The following LRRC7 variants were observed in gnomAD, a reference collection of about 807,000 sequenced individuals.
The protein encoded by LRRC7 is leucine rich repeat containing 7.
A neutral mutation model predicts 175.7 loss-of-function variants in LRRC7; 23 were observed. The ratio of observed to expected loss-of-function variants is 0.13; its 90% CI spans 0.09 to 0.19. The LOEUF (loss-of-function observed/expected upper bound fraction) is 0.19. Ranked by LOEUF, LRRC7 falls within the 10% of genes least tolerant of loss-of-function variation. LRRC7 has a pLI of 1.00. For missense variants in LRRC7, 1,354 were observed against 1,904.7 expected, an observed-to-expected ratio of 0.71 and a Z score of 5.38; for synonymous variants, 685 against 680.9, an observed-to-expected ratio of 1.01 and a Z score of -0.09.
chr1:69,619,623 C>G (rs1284990664), intron 1 of LRRC7, among the ~76,000 whole-genome samples: 1 of 152,048 alleles, frequency 6.6e-6, no homozygotes, highest in Non-Finnish European at 1.5e-5. Context: ...TAATTTCCCC[C>G]CAAAATTAAC....
At chr1:69,917,737 G>C (rs990168265) in intron 7 of LRRC7, among the ~76,000 whole-genome samples, 1 of 152,118 alleles carries the variant, frequency 6.6e-6, no homozygotes, top group Non-Finnish European at 1.5e-5. Context: ...TTCCATTCAT[G>C]AGAGTAGGAC....
intron 2 of LRRC7, among the ~76,000 whole-genome samples, chr1:69,733,115 A>G (rs567558311): frequency 6.6e-6 from 1 of 152,098 alleles, no homozygotes; most frequent in South Asian, 2.1e-4. Context: ...ATGAGGATCA[A>G]TGTGCTCTAT....
intron 2 of LRRC7, among the ~76,000 whole-genome samples, chr1:69,705,462 C>T (rs903016954): frequency 6.6e-6 from 1 of 152,014 alleles, no homozygotes; most frequent in African/African-American, 2.4e-5. Context: ...AGATAGGCCT[C>T]TAAATTAAAC....
chr1:70,023,925 T>C (rs1430802437), intron 17 of LRRC7, among the ~76,000 whole-genome samples: 1 of 152,024 alleles, frequency 6.6e-6, no homozygotes, highest in Non-Finnish European at 1.5e-5. Flanking sequence ...GAAGATTGAA[T>C]TGGGAGTTGT....
intron 1 of LRRC7, among the ~76,000 whole-genome samples, chr1:69,575,000 A>G (rs773246659): frequency 2.0e-5 from 3 of 152,182 alleles, no homozygotes; most frequent in Non-Finnish European, 4.4e-5. Flanking sequence ...GGCACACCAC[A>G]CACATACACA....
chr1:69,909,315 A>C (rs1028918909), intron 7 of LRRC7, among the ~76,000 whole-genome samples: 2 of 152,066 alleles, frequency 1.3e-5, no homozygotes, highest in Non-Finnish European at 2.9e-5. Flanking sequence ...TGTCATTATG[A>C]TGTTAGCTGG....
chr1:69,949,036 G>A (rs1355446150), intron 8 of LRRC7, among the ~76,000 whole-genome samples: 2 of 151,748 alleles, frequency 1.3e-5, no homozygotes, highest in East Asian at 3.9e-4. Context: ...ACTAACTATG[G>A]CCTGTTTTGC....
At chr1:69,609,963 C>T (rs1648435508) in intron 1 of LRRC7, among the ~76,000 whole-genome samples, 1 of 151,994 alleles carries the variant, frequency 6.6e-6, no homozygotes, top group South Asian at 2.1e-4. Flanking sequence ...TATGTCCAAT[C>T]AGCTATCTTC....
At chr1:69,814,970 C>G (rs547581254) in intron 4 of LRRC7, among the ~76,000 whole-genome samples, 1 of 152,022 alleles carries the variant, frequency 6.6e-6, no homozygotes, top group East Asian at 1.9e-4. Flanking sequence ...TTTTTTTTAT[C>G]AGTCCAACCC....
intron 8 of LRRC7, among the ~76,000 whole-genome samples, chr1:69,943,985 CACA>C (rs1488031486): frequency 7.2e-6 from 1 of 139,128 alleles, no homozygotes; most frequent in Non-Finnish European, 1.6e-5. Flanking sequence ...CACACACACA[CACA>C]ACATGAGATT....
At chr1:69,721,170 C>T (rs1419808440) in intron 2 of LRRC7, among the ~76,000 whole-genome samples, 1 of 151,860 alleles carries the variant, frequency 6.6e-6, no homozygotes, top group Admixed American at 6.6e-5. Flanking sequence ...CCACTACCGA[C>T]ATCCCACACA....
At chr1:69,946,587 G>T (rs183867780) in intron 8 of LRRC7, among the ~76,000 whole-genome samples, 172 of 151,734 alleles carry the variant, frequency 1.1e-3, no homozygotes, top group African/African-American at 3.9e-3. Flanking sequence ...TTCTGATATC[G>T]GGTTTGCATA....
chr1:70,140,469 A>G lies in LRRC7; in HGVS notation c.*18582A>G, dbSNP rs572730894. On this transcript the variant is annotated 3_prime_UTR_variant, in exon 27 of 27. Coordinates refer to ENST00000651989, the MANE Select transcript of LRRC7 (RefSeq NM_001370785.2). ...ATTGCCATGTAGAAATCAACTCCCTATCAATTTTCTACATTTAATCCTTGG... is the reference window on the plus strand; with the variant it reads ...ATTGCCATGTAGAAATCAACTCCCTGTCAATTTTCTACATTTAATCCTTGG... 4 of 152,230 alleles carry G rather than the reference A, an allele frequency of 2.6e-5. No homozygotes were observed. Among genetic ancestry groups the G allele is most frequent in the South Asian group, 2.1e-4 (1 of 4,826 alleles). 9.4% of individuals were successfully genotyped at this position (152,230 alleles called of 1,614,324 possible).
chr1:70,030,773 A>G (rs529088729), intron 18 of LRRC7, among the ~76,000 whole-genome samples: 1 of 152,358 alleles, frequency 6.6e-6, no homozygotes, highest in Non-Finnish European at 1.5e-5. Context: ...TAAATAAGGT[A>G]AAAAGATTAC....
intron 11 of LRRC7, among the ~76,000 whole-genome samples, chr1:69,998,183 C>T (rs948976383): frequency 6.6e-6 from 1 of 152,114 alleles, no homozygotes; most frequent in African/African-American, 2.4e-5. Context: ...TATTTAAAGT[C>T]TACAATTTGA....
At chr1:69,607,957 T>C (rs1569888226) in intron 1 of LRRC7, 1 of 152,306 alleles carries the variant, frequency 6.6e-6, no homozygotes, top group South Asian at 2.1e-4. Context: ...TGGAGTCCAT[T>C]TCAAAGGGAC....
chr1:69,778,191 C>G (rs1223370379), intron 3 of LRRC7, among the ~76,000 whole-genome samples: 1 of 152,176 alleles, frequency 6.6e-6, no homozygotes, highest in East Asian at 1.9e-4. Context: ...ATTTGTTCCA[C>G]TCTCCTCTGT....
intron 1 of LRRC7, among the ~76,000 whole-genome samples, chr1:69,586,992 T>A (rs1646428717): frequency 6.6e-6 from 1 of 151,870 alleles, no homozygotes; most frequent in Non-Finnish European, 1.5e-5. Context: ...TTTGTAGAGG[T>A]TTTTTCTGGC....
At chr1:69,977,466 T>A (rs1315434821) in intron 8 of LRRC7, among the ~76,000 whole-genome samples, 2 of 152,206 alleles carry the variant, frequency 1.3e-5, no homozygotes, top group African/African-American at 4.8e-5. Context: ...TTTAATTAGA[T>A]CTTACTTAAT....
Sources: gnomAD v4.1 joint callset for allele counts (sites outside exome capture counted in the v4.1 genomes callset) on GRCh38, gnomAD v4.1.1 for gene constraint, MANE v1.5 for transcripts, NCBI Gene and HGNC (gene_info 2026-07-23, HGNC 2026-07-21) for gene names.